Variants in C2CD5 observed in about 807,000 individuals in gnomAD.
C2CD5 encodes C2 domain-containing protein 5.
C2CD5 carries 109 observed loss-of-function variants against 130.3 expected under a neutral mutation model. The observed-to-expected ratio is 0.84, with a 90% CI of 0.72 to 0.98. The LOEUF is 0.98. Among genes scored for constraint, C2CD5 ranks in the 50% least tolerant of loss-of-function variants. C2CD5 has a pLI of 0.00. For synonymous variants in C2CD5, 454 were observed against 429.2 expected (o/e 1.06, Z -0.71); for missense variants, 996 against 1,261.8 (o/e 0.79, Z 3.19).
intron 8 of C2CD5, among the ~76,000 whole-genome samples, chr12:22,514,312 A>G (rs931856022): frequency 6.6e-6 from 1 of 152,192 alleles, no homozygotes; most frequent in Non-Finnish European, 1.5e-5. Flanking sequence ...TAAGGAAACA[A>G]AGGTTAGCAT....
intron 22 of C2CD5, chr12:22,463,410 G>A (rs897751471): frequency 6.6e-6 from 1 of 151,926 alleles, no homozygotes; most frequent in Non-Finnish European, 1.5e-5. Context: ...AAAAAAGTAG[G>A]ACATTTAAGG....
intron 15 of C2CD5, among the ~76,000 whole-genome samples, chr12:22,477,735 T>C (rs893306604): frequency 6.6e-6 from 1 of 152,128 alleles, no homozygotes; most frequent in Non-Finnish European, 1.5e-5. Context: ...GTGATACTTA[T>C]TGCAAAGTTG....
chr12:22,467,340 TG>T (rs1256821836), intron 22 of C2CD5, among the ~76,000 whole-genome samples: 2 of 152,022 alleles, frequency 1.3e-5, no homozygotes, highest in African/African-American at 4.8e-5. Flanking sequence ...ACTAATTTTT[TG>T]TATTTTTTGT....
chr12:22,479,427 A>T (rs1287877357), intron 14 of C2CD5, among the ~76,000 whole-genome samples: 2 of 152,052 alleles, frequency 1.3e-5, no homozygotes, highest in African/African-American at 4.8e-5. Flanking sequence ...GCAAAAAAAA[A>T]ATTAAAGGTT....
chr12:22,525,257 G>A, intron 5 of C2CD5, among the ~76,000 whole-genome samples: 1 of 152,080 alleles, frequency 6.6e-6, no homozygotes. Flanking sequence ...GCCCATTTCA[G>A]ACCCATATAT....
chr12:22,478,018 C>T, intron 15 of C2CD5: 1 of 355,478 alleles, frequency 2.8e-6, no homozygotes. Flanking sequence ...CACTCACACA[C>T]ACACACACAC....
chr12:22,513,242 TA>T, intron 9 of C2CD5, 51 bp downstream of exon 9: 1 of 1,253,610 alleles, frequency 8.0e-7, no homozygotes, highest in Non-Finnish European at 1.2e-6. Flanking sequence ...AAGCATAAGA[TA>T]ACAAAGTCAT....
chr12:22,510,906 G>A (rs935026499), intron 9 of C2CD5, among the ~76,000 whole-genome samples: 1 of 152,190 alleles, frequency 6.6e-6, no homozygotes, highest in Non-Finnish European at 1.5e-5. Context: ...TGAGATGGGA[G>A]GATCACTTGA....
intron 10 of C2CD5, among the ~76,000 whole-genome samples, chr12:22,498,509 T>C (rs1476732481): frequency 2.6e-5 from 4 of 152,222 alleles, no homozygotes; most frequent in East Asian, 1.9e-4. Flanking sequence ...AAAGTAATTA[T>C]ACTTATTTTT....
In C2CD5 at chr12:22,449,581, C is replaced by T; in HGVS notation, c.*179G>A. On this transcript the variant is annotated 3_prime_UTR_variant, in exon 27 of 27. Transcript: ENST00000446597. ...CCCCACAGGGCCTGTCTAGAACAGGCAAACAAAATGTCAAGATTAGAAAAT... is the reference window on the plus strand; with the variant it reads ...CCCCACAGGGCCTGTCTAGAACAGGTAAACAAAATGTCAAGATTAGAAAAT... 1 of 548,702 alleles carries T rather than the reference C, an allele frequency of 1.8e-6. No homozygotes were observed. The highest frequency in any genetic ancestry group is 3.2e-6 in the Non-Finnish European group (1 of 313,062). The allele number at this position is 548,702 out of a possible 1,614,324, so 34.0% of individuals were successfully genotyped here.
intron 25 of C2CD5, among the ~76,000 whole-genome samples, chr12:22,455,085 A>G (rs752962643): frequency 1.6e-4 from 24 of 152,194 alleles, no homozygotes; most frequent in Admixed American, 5.2e-4. Flanking sequence ...TGACTGCAGT[A>G]TTAGAAAACC....
chr12:22,532,793 C>A (rs1359668143), intron 3 of C2CD5, among the ~76,000 whole-genome samples: 1 of 152,104 alleles, frequency 6.6e-6, no homozygotes, highest in Non-Finnish European at 1.5e-5. Flanking sequence ...GACACCTTAC[C>A]CTGCAAGAGC....
chr12:22,483,453 A>G (rs1394823432), intron 13 of C2CD5, among the ~76,000 whole-genome samples: 2 of 152,180 alleles, frequency 1.3e-5, no homozygotes, highest in Non-Finnish European at 2.9e-5. Flanking sequence ...TAGCAATGAA[A>G]GCCAGAAGAC....
At chr12:22,500,591 A>G (rs1591861080) in intron 10 of C2CD5, among the ~76,000 whole-genome samples, 1 of 152,280 alleles carries the variant, frequency 6.6e-6, no homozygotes, top group Non-Finnish European at 1.5e-5. Context: ...ATGTCTGTCT[A>G]TCCTCCAAGA....
intron 12 of C2CD5, among the ~76,000 whole-genome samples, chr12:22,488,087 TA>T (rs1433643953): frequency 1.3e-4 from 19 of 151,712 alleles, no homozygotes; most frequent in Admixed American, 1.2e-3. Context: ...GAGATAAACC[TA>T]ATGTTAAATG....
intron 12 of C2CD5, among the ~76,000 whole-genome samples, chr12:22,488,145 G>A (rs975444977): frequency 2.2e-4 from 33 of 152,010 alleles, no homozygotes; most frequent in African/African-American, 8.0e-4. Flanking sequence ...GTATACATAT[G>A]TAACAAACCT....
intron 15 of C2CD5, chr12:22,478,016 C>A (rs1042319696): frequency 1.7e-5 from 6 of 343,864 alleles, no homozygotes; most frequent in South Asian, 1.6e-4. Context: ...CACACTCACA[C>A]ACACACACAC....
At chr12:22,458,420 C>T in intron 24 of C2CD5, 64 bp downstream of exon 24, 1 of 729,626 alleles carries the variant, frequency 1.4e-6, no homozygotes, top group Non-Finnish European at 1.9e-6. Flanking sequence ...GTCTAGCTTT[C>T]ACCACTGGGA....
chr12:22,538,457 G>A (rs1952029353), intron 2 of C2CD5, among the ~76,000 whole-genome samples: 1 of 152,142 alleles, frequency 6.6e-6, no homozygotes, highest in Non-Finnish European at 1.5e-5. Context: ...CAACTGATGG[G>A]AAACTCCAGA....
Sources: allele counts gnomAD v4.1 joint callset (sites outside exome capture counted in the v4.1 genomes callset), GRCh38; gene constraint gnomAD v4.1.1; transcripts MANE v1.5; gene names NCBI Gene and HGNC (gene_info 2026-07-23, HGNC 2026-07-21).